CALN1: variants seen among roughly 807,000 people sequenced by gnomAD.
CALN1 encodes calneuron 1.
CALN1 carries 17 observed loss-of-function variants against 30.6 expected under a neutral mutation model. The ratio of observed to expected loss-of-function variants is 0.56; its 90% CI spans 0.38 to 0.83. CALN1 has a LOEUF of 0.83. Ranked by LOEUF, CALN1 falls within the 40% of genes least tolerant of loss-of-function variation. The pLI is 0.00. For synonymous variants in CALN1, 156 were observed against 131.4 expected, an observed-to-expected ratio of 1.19 and a Z score of -1.28; for missense variants, 291 against 354.9, an observed-to-expected ratio of 0.82 and a Z score of 1.45.
intron 5 of CALN1, among the ~76,000 whole-genome samples, chr7:71,821,253 G>T (rs916306570): frequency 6.6e-6 from 1 of 152,088 alleles, no homozygotes; most frequent in African/African-American, 2.4e-5. Flanking sequence ...TGAACAAGTG[G>T]GTGGCCCTCG....
At chr7:72,210,255 C>T (rs949501787) in intron 3 of CALN1, among the ~76,000 whole-genome samples, 16 of 152,110 alleles carry the variant, frequency 1.1e-4, no homozygotes, top group Admixed American at 2.0e-4. Context: ...CCTGTTCTTC[C>T]CCACCCCACC....
At chr7:71,962,877 T>C (rs1339962754) in intron 5 of CALN1, among the ~76,000 whole-genome samples, 1 of 152,018 alleles carries the variant, frequency 6.6e-6, no homozygotes, top group South Asian at 2.1e-4. Flanking sequence ...CAAGGAAAAA[T>C]GAAATCAGAA....
chr7:72,271,778 C>G (rs988737927), intron 3 of CALN1, among the ~76,000 whole-genome samples: 26 of 151,238 alleles, frequency 1.7e-4, no homozygotes, highest in African/African-American at 5.4e-4. Context: ...TAAAAGTCAT[C>G]TAGGCCAGTC....
intron 3 of CALN1, among the ~76,000 whole-genome samples, chr7:72,155,920 A>T (rs1437033907): frequency 6.6e-6 from 1 of 152,116 alleles, no homozygotes. Context: ...TGCCAGCTGA[A>T]TAGCATTTTT....
intron 5 of CALN1, among the ~76,000 whole-genome samples, chr7:71,964,051 G>A (rs1797404663): frequency 6.6e-6 from 1 of 152,180 alleles, no homozygotes; most frequent in Admixed American, 6.5e-5. Context: ...TGACTAAAGG[G>A]AGCATTGTTA....
chr7:72,343,316 G>A (rs746885393), intron 2 of CALN1, among the ~76,000 whole-genome samples: 10 of 152,102 alleles, frequency 6.6e-5, no homozygotes, highest in Non-Finnish European at 1.5e-4. Flanking sequence ...CCAGGCCGAC[G>A]CGGGTGGATC....
chr7:72,130,632 T>G lies in CALN1; in HGVS notation c.245-24338A>C, dbSNP rs150008186. 5.7e-3 allele frequency among the ~76,000 whole-genome samples: 866 copies of G among 152,186 alleles called. 8 individuals are homozygous for G. Among genetic ancestry groups the G allele is most frequent in the African/African-American group, 0.019 (804 of 41,544 alleles). On this transcript the variant is annotated intron_variant, in intron 3 of 6. Coordinates refer to ENST00000395275, the MANE Select transcript of CALN1 (RefSeq NM_031468.4). ...AAGAAACAGATATTCCTGGGTTGCC[T>G]CTGCAGAGGGAAACCAGGTGATGGT...
intron 2 of CALN1, among the ~76,000 whole-genome samples, chr7:72,384,246 G>A (rs1805076329): frequency 6.6e-6 from 1 of 152,104 alleles, no homozygotes; most frequent in African/African-American, 2.4e-5. Flanking sequence ...GTTTTTCCTT[G>A]GGAGGTGAGT....
chr7:71,800,226 A>G (rs1312905409), intron 6 of CALN1, among the ~76,000 whole-genome samples: 2 of 152,154 alleles, frequency 1.3e-5, no homozygotes, highest in Non-Finnish European at 2.9e-5. Context: ...AAATATGACC[A>G]TCATCATCCA....
chr7:72,445,057 AACACACACACACACACACACACACAC>A (rs4029789), intron 1 of CALN1, among the ~76,000 whole-genome samples: 3 of 138,852 alleles, frequency 2.2e-5, no homozygotes, highest in Admixed American at 1.5e-4. Context: ...CAGTGAATTA[AACACACACACACACACACACACACAC>A]ACACACACAC....
intron 5 of CALN1, among the ~76,000 whole-genome samples, chr7:71,990,022 A>C (rs928634628): frequency 6.6e-6 from 1 of 152,074 alleles, no homozygotes; most frequent in Non-Finnish European, 1.5e-5. Flanking sequence ...TGAGGCTGAG[A>C]CCTACTGGGC....
intron 5 of CALN1, among the ~76,000 whole-genome samples, chr7:71,891,959 A>AAT (rs1793267535): frequency 8.6e-6 from 1 of 116,770 alleles, no homozygotes; most frequent in African/African-American, 3.8e-5. Context: ...TAAATAAATA[A>AAT]AAAAAAAAAT....
At chr7:71,792,690 T>C (rs1229119078) in intron 6 of CALN1, among the ~76,000 whole-genome samples, 1 of 152,168 alleles carries the variant, frequency 6.6e-6, no homozygotes, top group Non-Finnish European at 1.5e-5. Context: ...GGAAGTAGCA[T>C]ATCCTAACAC....
At chr7:72,037,792 C>T (rs1801892333) in intron 4 of CALN1, among the ~76,000 whole-genome samples, 1 of 152,042 alleles carries the variant, frequency 6.6e-6, no homozygotes, top group African/African-American at 2.4e-5. Context: ...TGCCAATGAT[C>T]AATCTGACTA....
chr7:72,023,929 T>C (rs1016422123), intron 4 of CALN1, among the ~76,000 whole-genome samples, 160 bp from the exon 5 acceptor site: 1 of 152,212 alleles, frequency 6.6e-6, no homozygotes, highest in Non-Finnish European at 1.5e-5. Context: ...CTTCAATGAC[T>C]GAAAGTACCA....
intron 5 of CALN1, among the ~76,000 whole-genome samples, chr7:72,014,942 G>GT (rs1158767918): frequency 6.6e-6 from 1 of 152,180 alleles, no homozygotes; most frequent in Non-Finnish European, 1.5e-5. Context: ...GATTACAGGC[G>GT]TGAGACACTG....
intron 4 of CALN1, among the ~76,000 whole-genome samples, chr7:72,034,695 T>A (rs1801678893): frequency 6.8e-6 from 1 of 146,534 alleles, no homozygotes; most frequent in Non-Finnish European, 1.5e-5. Context: ...GGCTAAGGCA[T>A]GAGAATCGCT....
chr7:72,168,068 A>G (rs7798609), intron 3 of CALN1, among the ~76,000 whole-genome samples: 41,286 of 152,158 alleles, frequency 0.27, 6,375 homozygotes, highest in Non-Finnish European at 0.35. Flanking sequence ...TATGCAATCT[A>G]TGTTAATGGC....
At chr7:72,354,098 A>T (rs1803089586) in intron 2 of CALN1, among the ~76,000 whole-genome samples, 1 of 152,156 alleles carries the variant, frequency 6.6e-6, no homozygotes, top group South Asian at 2.1e-4. Context: ...GAGGCAAGAG[A>T]ATCACTTGAA....
Sources: allele counts gnomAD v4.1 joint callset (sites outside exome capture counted in the v4.1 genomes callset), GRCh38; gene constraint gnomAD v4.1.1; transcripts MANE v1.5; gene names NCBI Gene and HGNC (gene_info 2026-07-23, HGNC 2026-07-21).